WASHC4: variants seen among roughly 807,000 people sequenced by gnomAD.
WASHC4 encodes the protein WASH complex subunit 7.
WASHC4 carries 86 observed loss-of-function variants against 166.6 expected under a neutral mutation model. That is an observed-to-expected ratio of 0.52 (90% CI 0.43 to 0.62). The LOEUF (loss-of-function observed/expected upper bound fraction) is 0.62. Among genes scored for constraint, WASHC4 ranks in the 20% least tolerant of loss-of-function variants. WASHC4 has a pLI of 0.00. For synonymous variants in WASHC4, 446 were observed against 451.6 expected, an observed-to-expected ratio of 0.99 and a Z score of 0.16; for missense variants, 1,262 against 1,382.4, an observed-to-expected ratio of 0.91 and a Z score of 1.38.
chr12:105,139,425 G>GTGTGTGTGTGTGTATATATATA lies in WASHC4; in HGVS notation c.1453-868_1453-867insGTGTGTGTGTGTATATATATAT. ...AGACAGACTATATATATGTGTGTGT[G>GTGTGTGTGTGTGTATATATATA]TATATATATATATATATATATATAT... is the stretch of plus-strand genomic sequence containing the variant. On this transcript the variant is annotated intron_variant, in intron 15 of 32. Transcript: ENST00000332180. Among the ~76,000 whole-genome samples, 690 of 103,024 alleles carry GTGTGTGTGTGTGTATATATATA rather than the reference G, an allele frequency of 6.7e-3. 5 individuals carry two copies. The highest frequency in any genetic ancestry group is 0.019 in the Middle Eastern group (3 of 154). The allele number at this position is 103,024 out of a possible 152,430, so 67.6% of individuals were successfully genotyped here. A position where few individuals can be genotyped will look rare whatever the true frequency, so the allele number is the denominator to read the frequency against.
At chr12:105,148,829 C>T (rs1883512949) in intron 24 of WASHC4, 2 of 985,116 alleles carry the variant, frequency 2.0e-6, no homozygotes, top group Non-Finnish European at 2.4e-6. Context: ...CTATTTCTGC[C>T]TGTAGGTTGG....
At chr12:105,151,846 A>AATTG (rs1419129544) in intron 25 of WASHC4, among the ~76,000 whole-genome samples, 1 of 152,190 alleles carries the variant, frequency 6.6e-6, no homozygotes, top group Non-Finnish European at 1.5e-5. Flanking sequence ...ATTATGTAAG[A>AATTG]ATTGCTTTCT....
At chr12:105,149,863 AT>A (rs1566022854) in intron 25 of WASHC4, 114 bp downstream of exon 25, 3 of 1,068,648 alleles carry the variant, frequency 2.8e-6, no homozygotes, top group Non-Finnish European at 3.9e-6. Context: ...TATTTTCCCT[AT>A]AATTTCTTAC....
chr12:105,160,407 G>T (rs557102921), intron 29 of WASHC4, among the ~76,000 whole-genome samples: 2 of 152,096 alleles, frequency 1.3e-5, no homozygotes, highest in African/African-American at 4.8e-5. Context: ...GAGTGCAGTG[G>T]TGTGATCATG....
chr12:105,122,342 C>CT (rs1262990436), intron 10 of WASHC4, 104 bp downstream of exon 10: 1 of 1,242,834 alleles, frequency 8.0e-7, no homozygotes, highest in Non-Finnish European at 1.1e-6. Context: ...ATATAATTTT[C>CT]TTTAAAAAGT....
chr12:105,140,195 T>C, intron 15 of WASHC4, 99 bp from the exon 16 acceptor site: 1 of 889,636 alleles, frequency 1.1e-6, no homozygotes, highest in Non-Finnish European at 1.9e-6. Flanking sequence ...GTATCTCATT[T>C]ACAAATCCCT....
Position 105,166,961 on chromosome 12 carries a change from A to C in WASHC4, c.*30A>C. 2.7e-6 allele frequency: 4 copies of C among 1,456,660 alleles called. No homozygotes were observed. Among genetic ancestry groups the C allele is most frequent in the Non-Finnish European group, 2.9e-6 (3 of 1,043,478 alleles). The allele number at this position is 1,456,660 out of a possible 1,614,324, so 90.2% of individuals were successfully genotyped here. The stretch of plus-strand genomic sequence containing the variant: ...GATGGTATTCACTGCACATATGATG[A>C]AATCATCAGAATTGTTAAAACTTTT... On this transcript the variant is annotated 3_prime_UTR_variant, in exon 33 of 33. Coordinates refer to ENST00000332180, the MANE Select transcript of WASHC4 (RefSeq NM_015275.3).
chr12:105,114,305 A>G, intron 3 of WASHC4, 36 bp downstream of exon 3: 1 of 1,601,152 alleles, frequency 6.2e-7, no homozygotes, highest in African/African-American at 1.3e-5. Flanking sequence ...TGTTTTAAAA[A>G]TGTTTTAGTT....
chr12:105,157,783 C>CT (rs1227380032), intron 28 of WASHC4, among the ~76,000 whole-genome samples: 2 of 152,158 alleles, frequency 1.3e-5, no homozygotes, highest in East Asian at 1.9e-4. Context: ...CCGGTAAACA[C>CT]TTAAAATATG....
intron 2 of WASHC4, among the ~76,000 whole-genome samples, chr12:105,112,510 A>G (rs183271232): frequency 6.6e-6 from 1 of 152,292 alleles, no homozygotes; most frequent in Admixed American, 6.5e-5. Flanking sequence ...GTTTTCCAAT[A>G]TGGCTATACC....
intron 24 of WASHC4, chr12:105,148,616 G>A (rs1566021924): frequency 1.0e-6 from 1 of 985,042 alleles, no homozygotes; most frequent in African/African-American, 1.7e-5. Context: ...TTTTAAAAAT[G>A]CAAAGAAACA....
chr12:105,151,731 C>T (rs1013386195), intron 25 of WASHC4, among the ~76,000 whole-genome samples: 17 of 152,160 alleles, frequency 1.1e-4, no homozygotes, highest in Admixed American at 9.8e-4. Context: ...CTGCCTGCCT[C>T]GGCCTCCCAA....
intron 20 of WASHC4, among the ~76,000 whole-genome samples, chr12:105,143,826 T>C (rs1883065012): frequency 6.6e-6 from 1 of 151,994 alleles, no homozygotes; most frequent in African/African-American, 2.4e-5. Context: ...TGTGAAAAAC[T>C]TTTTATAATT....
rs1021838747 is a variant in WASHC4, at chr12:105,118,659, C to G, written c.518+131C>G. 1.8e-5 allele frequency: 13 copies of G among 708,084 alleles called. No homozygotes were observed. The African/African-American group carries it at 2.3e-4, about 12-fold the overall frequency. 43.9% of individuals were successfully genotyped at this position (708,084 alleles called of 1,614,324 possible). On this transcript the variant is annotated intron_variant, in intron 7 of 32. Transcript: ENST00000332180. ...AACACTTATGATATTTCAAACACTA[C>G]TTGATGTGTATCATACGTAGGTTAG... is the stretch of plus-strand genomic sequence containing the variant.
rs1417037107 is a variant in WASHC4, at chr12:105,168,454, A to G, written c.*1523A>G. On this transcript the variant is annotated 3_prime_UTR_variant, in exon 33 of 33. Coordinates refer to ENST00000332180, the MANE Select transcript of WASHC4 (RefSeq NM_015275.3). ...TTCATTATTATAAGTGTTTATATTA[A>G]TGATCTTGCATTTGATTATATCAAA... 2.0e-5 allele frequency: 3 copies of G among 152,578 alleles called. No homozygotes were observed. The highest frequency in any genetic ancestry group is 2.9e-5 in the Non-Finnish European group (2 of 67,896). The allele number at this position is 152,578 out of a possible 1,614,324, so 9.5% of individuals were successfully genotyped here.
At chr12:105,137,133 C>G (rs1472266042) in intron 14 of WASHC4, among the ~76,000 whole-genome samples, 3 of 152,080 alleles carry the variant, frequency 2.0e-5, no homozygotes, top group Non-Finnish European at 4.4e-5. Flanking sequence ...TTCTGTGTGT[C>G]CCTTTTGGGT....
Position 105,144,389 on chromosome 12 carries a change from A to C in WASHC4, c.2113A>C (p.Lys705Gln). 6.2e-7 allele frequency: 1 copy of C among 1,613,630 alleles called. No individual in the cohort carries two copies. The highest frequency in any genetic ancestry group is 8.5e-7 in the Non-Finnish European group (1 of 1,179,598). Residue 705 changes from lysine to glutamine, a missense_variant, in exon 21 of 33, where the codon AAA becomes CAA. Lys to Gln is a moderately conservative substitution (Grantham distance 53, BLOSUM62 1). Transcript: ENST00000332180. ...CCGAAACCCTTTCAAAGTTGGCATG[A>C]AAGACCTGGCTCTTTTTTTCTCTCT... ...DDRNPFKVGM[K>Q]DLALFFSLNP...
intron 4 of WASHC4, 35 bp from the exon 5 acceptor site, chr12:105,115,149 C>A: frequency 8.5e-7 from 1 of 1,174,542 alleles, no homozygotes. Flanking sequence ...ACAAAACAAC[C>A]TTTAAAATTA....
intron 24 of WASHC4, 40 bp from the exon 25 acceptor site, chr12:105,149,575 A>G (rs750974595): frequency 1.6e-6 from 2 of 1,247,826 alleles, no homozygotes; most frequent in African/African-American, 3.0e-5. Flanking sequence ...ATTAATTTTT[A>G]TATTAACTTT....
Sources: gnomAD v4.1 joint callset for allele counts (sites outside exome capture counted in the v4.1 genomes callset) on GRCh38, gnomAD v4.1.1 for gene constraint, MANE v1.5 for transcripts, NCBI Gene and HGNC (gene_info 2026-07-23, HGNC 2026-07-21) for gene names.